The following GRM7 variants were observed in gnomAD, a reference collection of about 807,000 sequenced individuals.
GRM7 encodes glutamate metabotropic receptor 7, also known as metabotropic glutamate receptor 7.
A neutral mutation model predicts 84.5 loss-of-function variants in GRM7; 35 were observed. The ratio of observed to expected loss-of-function variants is 0.41; its 90% CI spans 0.32 to 0.55. The LOEUF (loss-of-function observed/expected upper bound fraction) is 0.55, where lower values mean the gene tolerates loss of function less well. Ranked by LOEUF, GRM7 falls within the 20% of genes least tolerant of loss-of-function variation. GRM7 has a pLI of 0.19. For missense variants in GRM7, 1,003 were observed against 1,194.6 expected (o/e 0.84, Z 2.36); for synonymous variants, 487 against 455.1 (o/e 1.07, Z -0.89).
chr3:7,662,096 C>CA (rs1197841511), intron 8 of GRM7, among the ~76,000 whole-genome samples: 1 of 151,912 alleles, frequency 6.6e-6, no homozygotes, highest in African/African-American at 2.4e-5. Context: ...TTGATACATG[C>CA]AATAATATGG....
chr3:7,054,247 C>T (rs900092986), intron 1 of GRM7, among the ~76,000 whole-genome samples: 3 of 148,806 alleles, frequency 2.0e-5, no homozygotes, highest in African/African-American at 7.4e-5. Context: ...TTAATCTTAT[C>T]TTTTATGATA....
intron 9 of GRM7, among the ~76,000 whole-genome samples, chr3:7,699,306 G>A (rs1701135068): frequency 6.6e-6 from 1 of 152,154 alleles, no homozygotes. Context: ...AAACTTTAGA[G>A]AGGACATCTC....
chr3:7,320,018 C>A lies in GRM7; in HGVS notation c.1033+13366C>A, dbSNP rs112205816. 6.1e-3 allele frequency among the ~76,000 whole-genome samples: 927 copies of A among 152,054 alleles called. 9 individuals carry two copies. Among genetic ancestry groups the A allele is most frequent in the African/African-American group, 0.021 (862 of 41,522 alleles). On this transcript the variant is annotated intron_variant, in intron 4 of 9. Coordinates refer to ENST00000357716, the MANE Select transcript of GRM7 (RefSeq NM_000844.4). ...CATTTCCTGTCACTAATTCTACCATCCTCATAGAGGTTACTGTTGACTTAT... is the reference window on the plus strand; with the variant it reads ...CATTTCCTGTCACTAATTCTACCATACTCATAGAGGTTACTGTTGACTTAT...
At chr3:6,912,157 G>T (rs893491366) in intron 1 of GRM7, among the ~76,000 whole-genome samples, 1 of 152,198 alleles carries the variant, frequency 6.6e-6, no homozygotes, top group East Asian at 1.9e-4. Flanking sequence ...GACATTAATT[G>T]ATATCAAGTA....
At chr3:7,143,170 G>C (rs1295393972) in intron 1 of GRM7, among the ~76,000 whole-genome samples, 2 of 152,134 alleles carry the variant, frequency 1.3e-5, no homozygotes, top group South Asian at 2.1e-4. Context: ...TGCTAAAGAT[G>C]CCTAATTATC....
At chr3:7,225,581 T>G (rs1014495897) in intron 2 of GRM7, among the ~76,000 whole-genome samples, 2 of 148,436 alleles carry the variant, frequency 1.3e-5, no homozygotes, top group Non-Finnish European at 1.5e-5. Flanking sequence ...ATTAAAGAAA[T>G]TAATATATAC....
chr3:7,339,431 A>G lies in GRM7; in HGVS notation c.1033+32779A>G, dbSNP rs114170462. 9.3e-3 allele frequency among the ~76,000 whole-genome samples: 1,410 copies of G among 152,234 alleles called. 12 individuals are homozygous for G. Among genetic ancestry groups the G allele is most frequent in the Admixed American group, 0.027 (409 of 15,284 alleles). ...AACTTTCCGTTGCAATGGGCATCCT[A>G]TGTTAATTCAGCAGCTTATCTAGAG... On this transcript the variant is annotated intron_variant, in intron 4 of 9. Transcript: ENST00000357716.
intron 7 of GRM7, among the ~76,000 whole-genome samples, chr3:7,512,672 T>C (rs1700251780): frequency 6.6e-6 from 1 of 151,936 alleles, no homozygotes; most frequent in Admixed American, 6.6e-5. Context: ...TCTTTCTTCA[T>C]GTCAAGCTAT....
intron 2 of GRM7, among the ~76,000 whole-genome samples, chr3:7,181,845 A>C (rs552453254): frequency 6.6e-6 from 1 of 152,220 alleles, no homozygotes; most frequent in Non-Finnish European, 1.5e-5. Flanking sequence ...TTTTGAGCTC[A>C]AGCGATCCTC....
At chr3:7,577,104 A>C (rs116109906) in intron 7 of GRM7, among the ~76,000 whole-genome samples, 1,958 of 152,278 alleles carry the variant, frequency 0.013, 48 homozygotes, top group African/African-American at 0.045. Flanking sequence ...TTTTTATCCT[A>C]TGTGACCTCA....
chr3:7,479,774 T>C (rs778842100), intron 7 of GRM7, among the ~76,000 whole-genome samples: 2 of 152,126 alleles, frequency 1.3e-5, no homozygotes, highest in Admixed American at 1.3e-4. Flanking sequence ...AATAAATAAG[T>C]GGAGTGGTGA....
rs80058768 is a variant in GRM7 at position 7,356,754 on chromosome 3, G to A, written c.1033+50102G>A. 7.2e-3 allele frequency among the ~76,000 whole-genome samples: 1,102 copies of A among 152,168 alleles called. 5 individuals are homozygous for A. Among genetic ancestry groups the A allele is most frequent in the Middle Eastern group, 0.02 (6 of 294 alleles). Reference sequence around the variant, plus strand: ...ATTTGTACCAGCAGCTTTTTGAGGGGTCTCAGGCCTTTGGCCTCACACTAG... The same window carrying A: ...ATTTGTACCAGCAGCTTTTTGAGGGATCTCAGGCCTTTGGCCTCACACTAG... On this transcript the variant is annotated intron_variant, in intron 4 of 9. Transcript: ENST00000357716.
intron 4 of GRM7, among the ~76,000 whole-genome samples, chr3:7,402,247 T>A (rs1183102627): frequency 6.6e-6 from 1 of 152,206 alleles, no homozygotes; most frequent in Non-Finnish European, 1.5e-5. Flanking sequence ...CAGATAAGGT[T>A]ACGTGCTCAC....
In GRM7 at chr3:6,940,317, C is replaced by T. The variant is rs551230799; in HGVS notation, c.519+78410C>T. Reference sequence around the variant, plus strand: ...ATGTTGGCCAGGATGGTCTCGATCTCTTGACCTCATTATCTGCCCATCTCG... The same window carrying T: ...ATGTTGGCCAGGATGGTCTCGATCTTTTGACCTCATTATCTGCCCATCTCG... On this transcript the variant is annotated intron_variant, in intron 1 of 9. Transcript: ENST00000357716. Among the ~76,000 whole-genome samples the T allele has an allele frequency of 8.5e-5, 13 of 152,282 alleles. No individual in the cohort carries two copies. In the South Asian group the frequency reaches 1.9e-3, roughly 22 times the overall value.
intron 9 of GRM7, among the ~76,000 whole-genome samples, chr3:7,707,268 G>A (rs927051923): frequency 6.6e-6 from 1 of 152,118 alleles, no homozygotes; most frequent in Admixed American, 6.6e-5. Flanking sequence ...TGACAAAAAA[G>A]GAAGTTGGGC....
chr3:7,548,816 T>A (rs1575480586), intron 7 of GRM7, among the ~76,000 whole-genome samples: 1 of 152,224 alleles, frequency 6.6e-6, no homozygotes, highest in East Asian at 1.9e-4. Context: ...TTCTAAGAAC[T>A]TTGAGCCTCA....
At chr3:7,613,264 T>G (rs1696928534) in intron 8 of GRM7, among the ~76,000 whole-genome samples, 1 of 152,204 alleles carries the variant, frequency 6.6e-6, no homozygotes, top group South Asian at 2.1e-4. Context: ...ATTTTATCAA[T>G]AAGAGATTTC....
At chr3:7,013,042 C>T (rs1695434312) in intron 1 of GRM7, among the ~76,000 whole-genome samples, 1 of 151,966 alleles carries the variant, frequency 6.6e-6, no homozygotes, top group African/African-American at 2.4e-5. Context: ...ACCTGACCTT[C>T]CTGACAACCC....
At chr3:7,133,163 C>A (rs569336064) in intron 1 of GRM7, among the ~76,000 whole-genome samples, 1 of 152,208 alleles carries the variant, frequency 6.6e-6, no homozygotes, top group Non-Finnish European at 1.5e-5. Context: ...ACACAAGGAG[C>A]TCTGATAATG....
Sources: allele counts gnomAD v4.1 joint callset (sites outside exome capture counted in the v4.1 genomes callset), GRCh38; gene constraint gnomAD v4.1.1; transcripts MANE v1.5; gene names NCBI Gene and HGNC (gene_info 2026-07-23, HGNC 2026-07-21).